GNB4: variants seen among roughly 807,000 people sequenced by gnomAD.
The protein encoded by GNB4 is G protein subunit beta 4.
GNB4 carries 28 observed loss-of-function variants against 45.2 expected under a neutral mutation model. The ratio of observed to expected loss-of-function variants is 0.62; its 90% CI spans 0.46 to 0.85. The LOEUF is 0.85. Among genes scored for constraint, GNB4 ranks in the 40% least tolerant of loss-of-function variants. The pLI is 0.00. For synonymous variants in GNB4, 132 were observed against 143.7 expected, an observed-to-expected ratio of 0.92 and a Z score of 0.58; for missense variants, 321 against 425.4, an observed-to-expected ratio of 0.75 and a Z score of 2.16.
At chr3:179,418,280 G>A (rs908238272) in intron 4 of GNB4, among the ~76,000 whole-genome samples, 3 of 151,814 alleles carry the variant, frequency 2.0e-5, no homozygotes, top group Admixed American at 6.6e-5. Context: ...GACCAGGCTG[G>A]CTAACATGGT....
chr3:179,425,718 G>C (rs1404107384), intron 2 of GNB4, among the ~76,000 whole-genome samples: 1 of 152,184 alleles, frequency 6.6e-6, no homozygotes, highest in African/African-American at 2.4e-5. Flanking sequence ...TGATCCACCT[G>C]CCTCAGCCTC....
At chr3:179,514,582 A>C in the GNB4 span, among the ~76,000 whole-genome samples, 1 of 152,172 alleles carries the variant, frequency 6.6e-6, no homozygotes, top group Non-Finnish European at 1.5e-5. Context: ...TTCTGGAGGA[A>C]ATTAAGGTTA....
chr3:179,403,220 G>C (rs546899394), intron 9 of GNB4, among the ~76,000 whole-genome samples: 3 of 152,062 alleles, frequency 2.0e-5, no homozygotes, highest in Admixed American at 6.6e-5. Context: ...AATGGTTTTA[G>C]TGCCTCGCTC....
At chr3:179,522,379 G>A in the GNB4 span, among the ~76,000 whole-genome samples, 39 of 151,850 alleles carry the variant, frequency 2.6e-4, no homozygotes, top group Admixed American at 1.4e-3. Context: ...ATCTCCCTTC[G>A]CTGATTCTCT....
the GNB4 span, among the ~76,000 whole-genome samples, chr3:179,489,908 T>C: frequency 9.6e-4 from 146 of 152,290 alleles, no homozygotes; most frequent in African/African-American, 3.4e-3. Flanking sequence ...GTACAACACT[T>C]TAAACCCTAT....
At chr3:179,494,521 A>T in the GNB4 span, among the ~76,000 whole-genome samples, 5 of 151,862 alleles carry the variant, frequency 3.3e-5, no homozygotes, top group South Asian at 4.2e-4. Context: ...AAAGAAAAAA[A>T]ATGAATGAAC....
the GNB4 span, among the ~76,000 whole-genome samples, chr3:179,493,111 G>T: frequency 6.6e-6 from 1 of 152,166 alleles, no homozygotes; most frequent in Non-Finnish European, 1.5e-5. Flanking sequence ...AAGCCTAGAA[G>T]AAGTGATGGC....
At chr3:179,441,370 C>T (rs1040448939) in intron 1 of GNB4, among the ~76,000 whole-genome samples, 7 of 152,200 alleles carry the variant, frequency 4.6e-5, no homozygotes, top group Admixed American at 4.6e-4. Flanking sequence ...ATACTCAACA[C>T]TGCAGGCAAT....
intron 1 of GNB4, among the ~76,000 whole-genome samples, chr3:179,435,541 T>C (rs913264409): frequency 4.6e-5 from 7 of 152,128 alleles, no homozygotes; most frequent in Non-Finnish European, 8.8e-5. Context: ...ATAGTAATTT[T>C]TGCTCAAGAT....
At chr3:179,468,035 A>AAAAATATATATATATAAAAAAAAAT in the GNB4 span, among the ~76,000 whole-genome samples, 1 of 89,856 alleles carries the variant, frequency 1.1e-5, no homozygotes, top group Admixed American at 1.1e-4. Flanking sequence ...TGTTGATAAA[A>AAAAATATATATATATAAAAAAAAAT]ATATATATAT....
chr3:179,422,660 C>T (rs903624799), intron 2 of GNB4, among the ~76,000 whole-genome samples: 1 of 152,130 alleles, frequency 6.6e-6, no homozygotes, highest in Non-Finnish European at 1.5e-5. Flanking sequence ...TCTATTTTCT[C>T]TATTTGCATT....
At position 179,398,348 on chromosome 3, in the gene GNB4, C is replaced by G. The variant is rs1479766779; in HGVS notation, c.*2865G>C. The G allele has an allele frequency of 6.6e-6, 1 of 151,718 alleles. No individual in the cohort carries two copies. 9.4% of individuals were successfully genotyped at this position (151,718 alleles called of 1,614,324 possible). On this transcript the variant is annotated 3_prime_UTR_variant, in exon 10 of 10. Transcript: ENST00000232564. ...TGGCCAAGATGGTGAAACCCCATCT[C>G]TACTAAAAATACAAAAATTAGCCGG...
chr3:179,489,046 A>ATATATAT, the GNB4 span, among the ~76,000 whole-genome samples: 54 of 38,728 alleles, frequency 1.4e-3, no homozygotes, highest in African/African-American at 5.2e-3. Flanking sequence ...ATATATATAT[A>ATATATAT]ATATATATGT....
the GNB4 span, among the ~76,000 whole-genome samples, chr3:179,483,794 A>G: frequency 6.6e-6 from 1 of 152,184 alleles, no homozygotes. Flanking sequence ...TTTGATTTTA[A>G]GAGAGTTTTT....
chr3:179,407,940 G>C (rs562240930), intron 8 of GNB4, among the ~76,000 whole-genome samples: 1 of 152,300 alleles, frequency 6.6e-6, no homozygotes, highest in South Asian at 2.1e-4. Context: ...TGCCTCACCA[G>C]TGGGGCAAAA....
the GNB4 span, among the ~76,000 whole-genome samples, chr3:179,468,035 A>AAAAAAATATATATATATATATATATAT: frequency 1.2e-4 from 11 of 89,858 alleles, no homozygotes; most frequent in African/African-American, 3.6e-4. Flanking sequence ...TGTTGATAAA[A>AAAAAAATATATATATATATATATATAT]ATATATATAT....
the GNB4 span, among the ~76,000 whole-genome samples, chr3:179,519,597 C>T: frequency 6.6e-6 from 1 of 152,152 alleles, no homozygotes; most frequent in Non-Finnish European, 1.5e-5. Flanking sequence ...TAGTTATCCC[C>T]ACCTGCCCAC....
chr3:179,403,057 T>G (rs1360559522), intron 9 of GNB4, among the ~76,000 whole-genome samples: 1 of 152,074 alleles, frequency 6.6e-6, no homozygotes, highest in East Asian at 1.9e-4. Flanking sequence ...GCCCTCAAAC[T>G]GGCAGCCAGT....
chr3:179,468,035 A>AAAAAAAAAAAAAAAAATATATATAT, the GNB4 span, among the ~76,000 whole-genome samples: 1 of 89,854 alleles, frequency 1.1e-5, no homozygotes, highest in African/African-American at 4.0e-5. Context: ...TGTTGATAAA[A>AAAAAAAAAAAAAAAAATATATATAT]ATATATATAT....
Sources: allele counts gnomAD v4.1 joint callset (sites outside exome capture counted in the v4.1 genomes callset), GRCh38; gene constraint gnomAD v4.1.1; transcripts MANE v1.5; gene names NCBI Gene and HGNC (gene_info 2026-07-23, HGNC 2026-07-21).